FAM193B: variants seen among roughly 807,000 people sequenced by gnomAD.
The protein encoded by FAM193B is protein FAM193B.
Under a neutral mutation model 70.7 loss-of-function variants are expected in FAM193B, and 27 were observed. The observed-to-expected ratio is 0.38, with a 90% CI of 0.28 to 0.53. FAM193B has a LOEUF of 0.53. FAM193B is among the 20% of genes least tolerant of loss of function. The pLI is 0.81. For synonymous variants in FAM193B, 448 were observed against 436.0 expected (o/e 1.03, Z -0.34); for missense variants, 1,022 against 1,072.5 (o/e 0.95, Z 0.66).
chr5:177,531,939 C>T, intron 5 of FAM193B: 1 of 1,259,760 alleles, frequency 7.9e-7, no homozygotes, highest in Non-Finnish European at 1.0e-6. Context: ...AACCAGCGGC[C>T]CTCTCCTCTT....
intron 1 of FAM193B, among the ~76,000 whole-genome samples, chr5:177,548,357 GGTAA>G (rs1765751588): frequency 6.6e-6 from 1 of 152,140 alleles, no homozygotes; most frequent in Admixed American, 6.5e-5. Flanking sequence ...AGTAGGCACA[GGTAA>G]GTGTTTGGAT....
At chr5:177,529,732 A>T (rs1244514115) in intron 5 of FAM193B, among the ~76,000 whole-genome samples, 1 of 152,228 alleles carries the variant, frequency 6.6e-6, no homozygotes, top group Non-Finnish European at 1.5e-5. Flanking sequence ...ACACATATTT[A>T]CGAAAAGCAC....
At chr5:177,537,491 T>TG (rs1193962980) in intron 3 of FAM193B, among the ~76,000 whole-genome samples, 1 of 152,100 alleles carries the variant, frequency 6.6e-6, no homozygotes, top group Non-Finnish European at 1.5e-5. Context: ...ATCCCTTAGG[T>TG]GGGGAAATCA....
At chr5:177,553,152 C>T in intron 1 of FAM193B, 1 of 985,356 alleles carries the variant, frequency 1.0e-6, no homozygotes, top group Non-Finnish European at 1.2e-6. Context: ...GTACCCCAAA[C>T]GGCAACCCCA....
At chr5:177,525,284 G>C in intron 5 of FAM193B, 79 bp from the exon 6 acceptor site, 1 of 1,297,480 alleles carries the variant, frequency 7.7e-7, no homozygotes, top group Non-Finnish European at 1.0e-6. Flanking sequence ...TCAGCCTGGG[G>C]CCCAGCTTTG....
chr5:177,538,905 C>A lies in FAM193B; in HGVS notation c.453G>T (p.Ala151=). The change falls in exon 2 of 9, where the codon GCG becomes GCT. Residue 151 remains alanine (A), a splice_region_variant and synonymous_variant. Transcript: ENST00000514747. This position sits in a 1 kb window ranked among gnomAD's most constrained non-coding sequence, Gnocchi z 4.1. ...ERQTGREHAV[A]ISLSHTSCKS... ...GGGACCCCTGTCAGCGGTTACCTAC[C>A]GCCACTGCATGTTCTCGACCTGTCT... 1.9e-6 allele frequency: 3 copies of A among 1,613,840 alleles called. No homozygotes were observed. Among genetic ancestry groups the A allele is most frequent in the Non-Finnish European group, 2.5e-6 (3 of 1,179,758 alleles).
At chr5:177,527,717 G>C (rs1212293803) in intron 5 of FAM193B, among the ~76,000 whole-genome samples, 1 of 152,246 alleles carries the variant, frequency 6.6e-6, no homozygotes, top group Admixed American at 6.5e-5. Context: ...GCAGAGCCAA[G>C]TGTCAAACTG....
intron 1 of FAM193B, among the ~76,000 whole-genome samples, chr5:177,548,995 T>C (rs994145844): frequency 6.6e-6 from 1 of 152,080 alleles, no homozygotes; most frequent in Admixed American, 6.5e-5. Context: ...TCTACCACCT[T>C]GTCCTCTGGA....
At chr5:177,551,796 G>C (rs924958202) in intron 1 of FAM193B, among the ~76,000 whole-genome samples, 1 of 152,180 alleles carries the variant, frequency 6.6e-6, no homozygotes, top group Non-Finnish European at 1.5e-5. Flanking sequence ...CCACTCTGTA[G>C]ATGTAAGACA....
At chr5:177,527,760 CTA>C (rs1762831879) in intron 5 of FAM193B, among the ~76,000 whole-genome samples, 1 of 152,234 alleles carries the variant, frequency 6.6e-6, no homozygotes, top group Non-Finnish European at 1.5e-5. Flanking sequence ...TTCCAGGTCA[CTA>C]TGATGCACTC....
At chr5:177,550,550 A>T (rs1581946772) in intron 1 of FAM193B, among the ~76,000 whole-genome samples, 1 of 152,250 alleles carries the variant, frequency 6.6e-6, no homozygotes, top group African/African-American at 2.4e-5. Flanking sequence ...GCAAAGTCCC[A>T]GAGGACAATG....
Position 177,550,202 on chromosome 5 carries a change from G to A in FAM193B, c.210+4047C>T, listed in dbSNP as rs189832586. 2.6e-4 allele frequency among the ~76,000 whole-genome samples: 40 copies of A among 152,126 alleles called. No homozygotes were observed. In the East Asian group the frequency reaches 5.4e-3, roughly 21 times the overall value. ...AGTGGGTAAGTCTTCATTTTCAAAGGTCTTTTGACATTTTTATATAGTGAG... is the reference window on the plus strand; with the variant it reads ...AGTGGGTAAGTCTTCATTTTCAAAGATCTTTTGACATTTTTATATAGTGAG... On this transcript the variant is annotated intron_variant, in intron 1 of 8. Transcript: ENST00000514747.
chr5:177,528,203 T>C (rs931421652), intron 5 of FAM193B, among the ~76,000 whole-genome samples: 1 of 152,182 alleles, frequency 6.6e-6, no homozygotes, highest in African/African-American at 2.4e-5. Context: ...AAATGCCAGA[T>C]ATTCTCTAGT....
intron 5 of FAM193B, among the ~76,000 whole-genome samples, chr5:177,530,606 C>A (rs1763301811): frequency 6.6e-6 from 1 of 152,196 alleles, no homozygotes; most frequent in Non-Finnish European, 1.5e-5. Context: ...CATTTGGCCA[C>A]GGCATAATCT....
At chr5:177,549,187 C>CT (rs141797022) in intron 1 of FAM193B, among the ~76,000 whole-genome samples, 83 of 92,986 alleles carry the variant, frequency 8.9e-4, no homozygotes, top group African/African-American at 2.3e-3. Flanking sequence ...ATTGTCTTTT[C>CT]TTTTTTTTTT....
chr5:177,543,017 C>CT (rs1765033212), intron 1 of FAM193B, among the ~76,000 whole-genome samples: 1 of 152,198 alleles, frequency 6.6e-6, no homozygotes, highest in South Asian at 2.1e-4. Flanking sequence ...CTGCTGCCTA[C>CT]AGAGAAAGGC....
rs189645052 is a variant in FAM193B, at chr5:177,537,337, C to A, written c.688+536G>T. On this transcript the variant is annotated intron_variant, in intron 3 of 8. Transcript: ENST00000514747. The stretch of plus-strand genomic sequence containing the variant: ...CAGTAAATCATATTTACATAATAAA[C>A]CAATAACCCAAGAGTTTTGTCTCTG... Among the ~76,000 whole-genome samples, 381 of 152,308 alleles carry A rather than the reference C, an allele frequency of 2.5e-3. 11 individuals carry two copies. The highest frequency in any genetic ancestry group is 3.5e-4 in the Non-Finnish European group (24 of 68,028).
rs1026399779 is a variant in FAM193B at position 177,524,565 on chromosome 5, C to T, written c.1916G>A (p.Arg639Lys). The change falls in exon 6 of 9, where the codon AGG becomes AAG. Residue 639 changes from arginine (R) to lysine (K), a missense_variant. Physicochemically the swap from Arg to Lys is conservative, Grantham distance 26 (BLOSUM62 2). Transcript: ENST00000514747. Reference protein sequence around the residue: ...SSGGKPQKGKRQGSQAKKSEA... With the variant: ...SSGGKPQKGKKQGSQAKKSEA... ...GCTCTTCTTGGCCTGACTGCCCTGC[C>T]TCTTGCCCTTCTGTGGCTTCCCACC... 3.7e-6 allele frequency: 6 copies of T among 1,610,546 alleles called. No homozygotes were observed. Among genetic ancestry groups the T allele is most frequent in the Non-Finnish European group, 5.1e-6 (6 of 1,178,366 alleles).
intron 4 of FAM193B, among the ~76,000 whole-genome samples, chr5:177,533,306 ATTT>A (rs1394909751): frequency 7.1e-6 from 1 of 141,356 alleles, no homozygotes. Flanking sequence ...TAGAGTCGGC[ATTT>A]TTTTTTTTTT....
Sources: allele counts gnomAD v4.1 joint callset (sites outside exome capture counted in the v4.1 genomes callset), GRCh38; gene constraint gnomAD v4.1.1; non-coding constraint Gnocchi (gnomAD v3.1); transcripts MANE v1.5; gene names NCBI Gene and HGNC (gene_info 2026-07-23, HGNC 2026-07-21).